The following LRRC56 variants were observed in gnomAD, a reference collection of about 807,000 sequenced individuals.
The protein encoded by LRRC56 is leucine rich repeat containing 56.
Under a neutral mutation model 47.8 loss-of-function variants are expected in LRRC56, and 41 were observed. The ratio of observed to expected loss-of-function variants is 0.86; its 90% CI spans 0.67 to 1.11. The LOEUF (loss-of-function observed/expected upper bound fraction) is 1.11, where lower values mean the gene tolerates loss of function less well. LRRC56 is among the 50% of genes most tolerant of loss of function. The pLI is 0.00. For missense variants in LRRC56, 759 were observed against 704.2 expected, an observed-to-expected ratio of 1.08 and a Z score of -0.88; for synonymous variants, 387 against 311.2, an observed-to-expected ratio of 1.24 and a Z score of -2.56.
At chr11:539,912 G>A (rs193228354) in intron 3 of LRRC56, among the ~76,000 whole-genome samples, 186 bp downstream of exon 3, 1 of 152,262 alleles carries the variant, frequency 6.6e-6, no homozygotes, top group Non-Finnish European at 1.5e-5. Flanking sequence ...ATTGTGTTGG[G>A]GGACCCAGAG....
chr11:554,080 G>C lies in LRRC56; in HGVS notation c.1433G>C (p.Arg478Pro), dbSNP rs368150099. The C allele has an allele frequency of 6.2e-7, 1 of 1,608,778 alleles. No homozygotes were observed. The highest frequency in any genetic ancestry group is 1.1e-5 in the South Asian group (1 of 90,866). Residue 478 changes from arginine to proline, a missense_variant, in exon 14 of 14, where the codon CGG becomes CCG. Arg to Pro is a moderately radical substitution (Grantham distance 103). Coordinates refer to ENST00000270115, the MANE Select transcript of LRRC56 (RefSeq NM_198075.4). ...ACAGACCTGCAGTCCAGGGGGCGTC[G>C]GCTCCGAGTCCTGGGCAGCTGGGGG... ...WSTDLQSRGR[R>P]LRVLGSWGPG... is the part of the protein sequence containing the mutation.
intron 13 of LRRC56, 101 bp from the exon 14 acceptor site, chr11:553,862 C>A: frequency 9.8e-7 from 1 of 1,022,424 alleles, no homozygotes; most frequent in South Asian, 1.5e-5. Context: ...AGGACCACTG[C>A]CTCGGGGCTG....
At chr11:551,541 C>G (rs1294861579) in intron 9 of LRRC56, 110 bp from the exon 10 acceptor site, 3 of 1,205,228 alleles carry the variant, frequency 2.5e-6, no homozygotes, top group Non-Finnish European at 3.5e-6. Flanking sequence ...GCGTGAGAGG[C>G]CAGCCTCAGG....
rs1373452323 is a variant in LRRC56 at position 541,630 on chromosome 11, C to T, written c.265+6C>T. On this transcript the variant is annotated splice_donor_region_variant and intron_variant, in intron 5 of 13. Transcript: ENST00000270115. The surrounding 1 kb of genome is among the most constrained non-coding windows in gnomAD (Gnocchi z 4.1). ...GGGCAGCCTGGGGAACTTTGGTGAG[C>T]CTCTTCCCACCCCGCCATGGCCACG... 9.1e-6 allele frequency: 14 copies of T among 1,545,582 alleles called. 1 individual carries two copies. Among genetic ancestry groups the T allele is most frequent in the Middle Eastern group, 1.7e-4 (1 of 5,904 alleles).
intron 5 of LRRC56, among the ~76,000 whole-genome samples, chr11:544,323 C>G (rs1268059241): frequency 6.6e-6 from 1 of 152,208 alleles, no homozygotes; most frequent in African/African-American, 2.4e-5. Context: ...GGCCCCAGTT[C>G]TCTGAGCCAA....
At chr11:526,637 A>G in the LRRC56 span, among the ~76,000 whole-genome samples, 1 of 152,172 alleles carries the variant, frequency 6.6e-6, no homozygotes, top group Non-Finnish European at 1.5e-5. Flanking sequence ...ACATCCCTAC[A>G]AAGAAATACT....
intron 3 of LRRC56, 23 bp from the exon 4 acceptor site, chr11:540,651 T>C: frequency 6.2e-7 from 1 of 1,605,966 alleles, no homozygotes; most frequent in Non-Finnish European, 8.5e-7. Flanking sequence ...GCGTGGAGCT[T>C]TGCACTGTGC....
chr11:549,489 G>A (rs1375530529), intron 6 of LRRC56, among the ~76,000 whole-genome samples: 3 of 152,200 alleles, frequency 2.0e-5, no homozygotes, highest in South Asian at 2.1e-4. Context: ...AGCCTCCAGC[G>A]AAGCCCCCCA....
intron 4 of LRRC56, 24 bp downstream of exon 4, chr11:540,885 T>G: frequency 1.3e-6 from 2 of 1,518,194 alleles, no homozygotes; most frequent in Non-Finnish European, 1.8e-6. Flanking sequence ...CTGGGGGCTG[T>G]GGCCACAGAG....
At chr11:515,488 C>T in the LRRC56 span, among the ~76,000 whole-genome samples, 2 of 152,284 alleles carry the variant, frequency 1.3e-5, no homozygotes, top group African/African-American at 4.8e-5. Context: ...ACACTGACAT[C>T]CTCCTTTTCA....
Position 546,720 on chromosome 11 carries a change from C to G in LRRC56, c.326+1940C>G, listed in dbSNP as rs149670342. Among the ~76,000 whole-genome samples, 551 of 152,166 alleles carry G rather than the reference C, an allele frequency of 3.6e-3. 1 individual carries two copies. Among genetic ancestry groups the G allele is most frequent in the Middle Eastern group, 0.01 (3 of 294 alleles). On this transcript the variant is annotated intron_variant, in intron 6 of 13. Transcript: ENST00000270115. ...GCAGGCACCCAGACGACACCGCGAA[C>G]GAGAAACTAGGATGGGTTTGGAAAA...
rs1164860095 is a variant in LRRC56 at position 550,209 on chromosome 11, G to A, written c.561G>A (p.Leu187=). Residue 187 remains leucine, a synonymous_variant, in exon 8 of 14, where the codon CTG becomes CTA. Coordinates refer to ENST00000270115, the MANE Select transcript of LRRC56 (RefSeq NM_198075.4). The part of the protein sequence containing the change: ...QVRYLQLCPR[L]AMLTLEGNLV... ...GCTACTTGCAGCTGTGCCCACGCCT[G>A]GCCATGCTCACCCTGGAGGGCAACC... 1 of 1,612,516 alleles carries A rather than the reference G, an allele frequency of 6.2e-7. No individual in the cohort carries two copies. Among genetic ancestry groups the A allele is most frequent in the Non-Finnish European group, 8.5e-7 (1 of 1,179,652 alleles).
chr11:516,875 G>C, the LRRC56 span, among the ~76,000 whole-genome samples: 11,281 of 151,994 alleles, frequency 0.074, 586 homozygotes, highest in Non-Finnish European at 0.11. Context: ...CTCTCCCTTC[G>C]GTCTCCCTCT....
At chr11:549,162 C>A (rs1852240058) in intron 6 of LRRC56, among the ~76,000 whole-genome samples, 1 of 152,104 alleles carries the variant, frequency 6.6e-6, no homozygotes, top group South Asian at 2.1e-4. Context: ...GTGAACTGGA[C>A]AGAAAGAAGA....
upstream of LRRC56, chr11:534,206 GCTCACCT>G (rs1564790048): frequency 3.1e-6 from 5 of 1,603,732 alleles, no homozygotes; most frequent in Non-Finnish European, 4.3e-6. Context: ...GCGGCGCCAG[GCTCACCT>G]CTATAGTGGG....
At chr11:539,980 G>A (rs1288113487) in intron 3 of LRRC56, among the ~76,000 whole-genome samples, 1 of 152,230 alleles carries the variant, frequency 6.6e-6, no homozygotes, top group African/African-American at 2.4e-5. Flanking sequence ...TGGGTCCGTG[G>A]ATAGTCAGGT....
chr11:523,301 A>AG, the LRRC56 span, among the ~76,000 whole-genome samples: 151,728 of 151,734 alleles, frequency 1, 75,861 homozygotes, highest in Middle Eastern at 1. Flanking sequence ...GCGGGATTAC[A>AG]GCATGAGCCA....
the LRRC56 span, among the ~76,000 whole-genome samples, chr11:509,695 C>T: frequency 6.6e-6 from 1 of 151,612 alleles, no homozygotes. Flanking sequence ...CTACAGGCAC[C>T]TGCCACCACG....
At chr11:552,931 T>C (rs995817462) in intron 13 of LRRC56, among the ~76,000 whole-genome samples, 2 of 152,188 alleles carry the variant, frequency 1.3e-5, no homozygotes, top group Non-Finnish European at 1.5e-5. Flanking sequence ...TGTGACCTTG[T>C]GTGCCACCCG....
Sources: allele counts gnomAD v4.1 joint callset (sites outside exome capture counted in the v4.1 genomes callset), GRCh38; gene constraint gnomAD v4.1.1; non-coding constraint Gnocchi (gnomAD v3.1); transcripts MANE v1.5; gene names NCBI Gene and HGNC (gene_info 2026-07-23, HGNC 2026-07-21).